Variants in CIB2 observed in about 807,000 individuals in gnomAD.
CIB2 encodes the protein calcium and integrin-binding family member 2.
Under a neutral mutation model 23.1 loss-of-function variants are expected in CIB2, and 19 were observed. The ratio of observed to expected loss-of-function variants is 0.82; its 90% CI spans 0.57 to 1.21. CIB2 has a LOEUF of 1.21. Among genes scored for constraint, CIB2 ranks in the 50% most tolerant of loss-of-function variants. The probability of loss-of-function intolerance (pLI) is 0.00; values close to 1 mark genes in which losing one functional copy is unlikely to be tolerated. For synonymous variants in CIB2, 94 were observed against 91.7 expected, an observed-to-expected ratio of 1.03 and a Z score of -0.14; for missense variants, 220 against 241.5, an observed-to-expected ratio of 0.91 and a Z score of 0.59.
At chr15:78,111,585 G>A (rs2074160489) in intron 2 of CIB2, among the ~76,000 whole-genome samples, 1 of 152,050 alleles carries the variant, frequency 6.6e-6, no homozygotes. Context: ...TTCTCCTTTG[G>A]GCTCTCATAA....
intron 2 of CIB2, among the ~76,000 whole-genome samples, chr15:78,117,149 G>T (rs999127092): frequency 2.1e-5 from 3 of 143,956 alleles, no homozygotes; most frequent in African/African-American, 7.8e-5. Flanking sequence ...TCTATAAAAT[G>T]AATATGACCC....
intron 4 of CIB2, among the ~76,000 whole-genome samples, chr15:78,107,591 C>T (rs1434993429): frequency 1.3e-5 from 2 of 152,222 alleles, no homozygotes; most frequent in African/African-American, 4.8e-5. Flanking sequence ...CCACCCCCAG[C>T]CTAGAGCAGC....
chr15:78,123,578 T>A, intron 2 of CIB2, 127 bp downstream of exon 2: 1 of 959,274 alleles, frequency 1.0e-6, no homozygotes, highest in South Asian at 1.3e-5. Flanking sequence ...GGGACCTGAA[T>A]GTGGCTCCTG....
At chr15:78,109,201 G>GGGGGGGGGGGGGC in intron 4 of CIB2, 34 bp downstream of exon 4, 2 of 1,156,404 alleles carry the variant, frequency 1.7e-6, no homozygotes, top group Non-Finnish European at 2.3e-6. Context: ...TTCCCCCACC[G>GGGGGGGGGGGGGC]CATATTCAGG....
intron 1 of CIB2, among the ~76,000 whole-genome samples, chr15:78,124,081 A>G (rs2141914055): frequency 6.6e-6 from 1 of 152,196 alleles, no homozygotes; most frequent in African/African-American, 2.4e-5. Context: ...GGGGGATGAC[A>G]GGGAGGTGGC....
chr15:78,122,409 A>T (rs1226113282), intron 2 of CIB2, among the ~76,000 whole-genome samples: 1 of 152,176 alleles, frequency 6.6e-6, no homozygotes, highest in African/African-American at 2.4e-5. Flanking sequence ...AGGGAACCCG[A>T]AGCTCCCTGT....
Position 78,131,071 on chromosome 15 carries a change from G to T in CIB2, c.51+94C>A. On this transcript the variant is annotated intron_variant, in intron 1 of 5. Transcript: ENST00000258930. The surrounding 1 kb of genome is among the most constrained non-coding windows in gnomAD (Gnocchi z 5.8). ...AGAGGCAGGGTTTGAACCTGGGAGAGCTGGCTCTCGGGAGGCCTCGGCCAG... is the reference window on the plus strand; with the variant it reads ...AGAGGCAGGGTTTGAACCTGGGAGATCTGGCTCTCGGGAGGCCTCGGCCAG... The T allele has an allele frequency of 8.6e-7, 1 of 1,157,722 alleles. No individual in the cohort carries two copies. Among genetic ancestry groups the T allele is most frequent in the Non-Finnish European group, 1.2e-6 (1 of 828,194 alleles). The allele number at this position is 1,157,722 out of a possible 1,614,324, so 71.7% of individuals were successfully genotyped here.
intron 2 of CIB2, among the ~76,000 whole-genome samples, chr15:78,113,730 C>T (rs2074196270): frequency 6.6e-6 from 1 of 152,166 alleles, no homozygotes; most frequent in Non-Finnish European, 1.5e-5. Flanking sequence ...TGGGGTTTCA[C>T]CGTGTTAGCC....
intron 2 of CIB2, among the ~76,000 whole-genome samples, chr15:78,123,414 TTG>T (rs2074344076): frequency 2.0e-5 from 3 of 152,170 alleles, no homozygotes; most frequent in Admixed American, 1.3e-4. Flanking sequence ...ATGGATTCTC[TTG>T]TTACAAGGTC....
chr15:78,113,344 T>C (rs1013461082), intron 2 of CIB2, among the ~76,000 whole-genome samples: 1 of 152,280 alleles, frequency 6.6e-6, no homozygotes, highest in East Asian at 1.9e-4. Context: ...ACTTGTACTT[T>C]GGGTGGGAGG....
chr15:78,116,266 C>A (rs1404236306), intron 2 of CIB2, among the ~76,000 whole-genome samples: 1 of 151,662 alleles, frequency 6.6e-6, no homozygotes, highest in East Asian at 1.9e-4. Context: ...TTGAGACCAG[C>A]GTGGGCAAAA....
chr15:78,126,700 A>G (rs2074385956), intron 1 of CIB2, among the ~76,000 whole-genome samples: 1 of 152,216 alleles, frequency 6.6e-6, no homozygotes, highest in Non-Finnish European at 1.5e-5. Context: ...ACGTTATTTC[A>G]GTGGCTGCAG....
Position 78,104,609 on chromosome 15 carries a change from C to T in CIB2, c.*702G>A, listed in dbSNP as rs1267600327. On this transcript the variant is annotated 3_prime_UTR_variant, in exon 6 of 6. Coordinates refer to ENST00000258930, the MANE Select transcript of CIB2 (RefSeq NM_006383.4). This position sits in a 1 kb window ranked among gnomAD's most constrained non-coding sequence, Gnocchi z 4.4. ...TTTCAAGGATCAGAAGCAAAGGTAC[C>T]CTCAAACATTTCCTAACATTAGCAT... The T allele has an allele frequency of 6.6e-6, 1 of 152,386 alleles. No individual in the cohort carries two copies. Among genetic ancestry groups the T allele is most frequent in the Non-Finnish European group, 1.5e-5 (1 of 68,122 alleles). The allele number at this position is 152,386 out of a possible 1,614,324, so 9.4% of individuals were successfully genotyped here.
intron 1 of CIB2, 46 bp from the exon 2 acceptor site, chr15:78,123,785 G>C: frequency 6.2e-7 from 1 of 1,612,000 alleles, no homozygotes; most frequent in Non-Finnish European, 8.5e-7. Flanking sequence ...GCGGCTCCCA[G>C]ACTTTCTTCC....
chr15:78,115,898 T>C (rs906681361), intron 2 of CIB2, among the ~76,000 whole-genome samples: 16 of 151,964 alleles, frequency 1.1e-4, no homozygotes, highest in Non-Finnish European at 2.9e-5. Flanking sequence ...ATAATCACCA[T>C]TATTATATAA....
At chr15:78,124,494 C>T (rs2074358306) in intron 1 of CIB2, among the ~76,000 whole-genome samples, 2 of 152,134 alleles carry the variant, frequency 1.3e-5, no homozygotes, top group Admixed American at 1.3e-4. Flanking sequence ...TTTAGATGAA[C>T]TGCCTCTATC....
At position 78,131,249 on chromosome 15, in the gene CIB2, C is replaced by T. The variant is rs368498640; in HGVS notation, c.-34G>A. 237 of 1,460,018 alleles carry T rather than the reference C, an allele frequency of 1.6e-4. 1 individual carries two copies. The highest frequency in any genetic ancestry group is 2.1e-4 in the Non-Finnish European group (227 of 1,099,768). The allele number at this position is 1,460,018 out of a possible 1,614,324, so 90.4% of individuals were successfully genotyped here. The stretch of plus-strand genomic sequence containing the variant: ...CCGCGCCGCCGCTCGCCCGCCCGGG[C>T]TCCGACTCCCATCAGCGGCCGCCAG... On this transcript the variant is annotated 5_prime_UTR_variant, in exon 1 of 6. Coordinates refer to ENST00000258930, the MANE Select transcript of CIB2 (RefSeq NM_006383.4). The surrounding 1 kb of genome is among the most constrained non-coding windows in gnomAD (Gnocchi z 5.8).
intron 1 of CIB2, among the ~76,000 whole-genome samples, chr15:78,125,364 A>C (rs2074368376): frequency 6.6e-6 from 1 of 152,186 alleles, no homozygotes; most frequent in African/African-American, 2.4e-5. Flanking sequence ...GGAGGCAGTC[A>C]GCAGAACTGG....
intron 1 of CIB2, among the ~76,000 whole-genome samples, chr15:78,127,698 G>A (rs561491565): frequency 3.2e-4 from 48 of 152,114 alleles, no homozygotes; most frequent in African/African-American, 1.0e-3. Flanking sequence ...GTCAGGAGCC[G>A]AGCCATGGGC....
Sources: gnomAD v4.1 joint callset for allele counts (sites outside exome capture counted in the v4.1 genomes callset) on GRCh38, gnomAD v4.1.1 for gene constraint, Gnocchi (gnomAD v3.1) non-coding constraint, MANE v1.5 for transcripts, NCBI Gene and HGNC (gene_info 2026-07-23, HGNC 2026-07-21) for gene names.